The following DSCAM variants were observed in gnomAD, a reference collection of about 807,000 sequenced individuals.
The protein encoded by DSCAM is DS cell adhesion molecule.
In DSCAM, 47 loss-of-function variants were observed where a neutral mutation model predicts 217.7. The ratio of observed to expected loss-of-function variants is 0.22; its 90% CI spans 0.17 to 0.28. The LOEUF is 0.28. Among genes scored for constraint, DSCAM ranks in the 10% least tolerant of loss-of-function variants. The probability of loss-of-function intolerance (pLI) is 1.00; values close to 1 mark genes in which losing one functional copy is unlikely to be tolerated. For synonymous variants in DSCAM, 1,056 were observed against 1,015.3 expected (o/e 1.04, Z -0.76); for missense variants, 2,080 against 2,618.3 (o/e 0.79, Z 4.49).
chr21:40,336,437 G>A (rs1453550183), intron 8 of DSCAM, among the ~76,000 whole-genome samples: 1 of 152,174 alleles, frequency 6.6e-6, no homozygotes, highest in Non-Finnish European at 1.5e-5. Context: ...ACTTTCTGAT[G>A]AGATCATGGT....
intron 3 of DSCAM, among the ~76,000 whole-genome samples, chr21:40,478,875 A>C (rs1325472635): frequency 1.3e-5 from 2 of 152,224 alleles, no homozygotes; most frequent in Non-Finnish European, 2.9e-5. Flanking sequence ...AGACATAGTA[A>C]GATATTAACA....
At chr21:40,380,255 T>C (rs1261012308) in intron 3 of DSCAM, among the ~76,000 whole-genome samples, 1 of 152,246 alleles carries the variant, frequency 6.6e-6, no homozygotes, top group Non-Finnish European at 1.5e-5. Flanking sequence ...CACTAATCTT[T>C]GCTCTAGTTA....
At chr21:40,618,799 C>G (rs527681684) in intron 3 of DSCAM, 1 of 152,362 alleles carries the variant, frequency 6.6e-6, no homozygotes, top group African/African-American at 2.4e-5. Flanking sequence ...TCGCCGCCCC[C>G]CAGTCCTCAT....
At chr21:40,811,187 T>A (rs1356542692) in intron 1 of DSCAM, among the ~76,000 whole-genome samples, 1 of 152,196 alleles carries the variant, frequency 6.6e-6, no homozygotes, top group East Asian at 1.9e-4. Context: ...GTCATCACTT[T>A]CATGCTACAG....
intron 1 of DSCAM, among the ~76,000 whole-genome samples, chr21:40,774,668 T>G (rs1351925448): frequency 6.6e-6 from 1 of 152,128 alleles, no homozygotes; most frequent in African/African-American, 2.4e-5. Context: ...TCTGTACAAA[T>G]GGAACACATT....
intron 3 of DSCAM, among the ~76,000 whole-genome samples, chr21:40,601,843 C>T (rs1316356296): frequency 2.0e-5 from 3 of 152,112 alleles, no homozygotes; most frequent in African/African-American, 7.2e-5. Context: ...AAGCATCCTT[C>T]AATACCTGGA....
intron 3 of DSCAM, among the ~76,000 whole-genome samples, chr21:40,544,513 AG>A (rs1271685346): frequency 6.6e-6 from 1 of 152,166 alleles, no homozygotes; most frequent in Non-Finnish European, 1.5e-5. Flanking sequence ...GACATAGAGA[AG>A]AACCCCCTGC....
chr21:40,518,462 AAT>A (rs1470262930), intron 3 of DSCAM, among the ~76,000 whole-genome samples: 2 of 15,748 alleles, frequency 1.3e-4, no homozygotes, highest in Non-Finnish European at 1.8e-4. Flanking sequence ...TATTATATAT[AAT>A]ATATATAATA....
chr21:40,567,998 C>T (rs1360024105), intron 3 of DSCAM, among the ~76,000 whole-genome samples: 3 of 151,878 alleles, frequency 2.0e-5, no homozygotes, highest in Admixed American at 6.6e-5. Context: ...AGTGCAGTGG[C>T]GCGATCTCCG....
intron 4 of DSCAM, among the ~76,000 whole-genome samples, chr21:40,362,280 G>A (rs1444181032): frequency 1.3e-5 from 2 of 151,924 alleles, no homozygotes; most frequent in East Asian, 3.9e-4. Context: ...AAAACTTAAA[G>A]TATAATAATA....
At chr21:40,566,482 C>A (rs948941126) in intron 3 of DSCAM, among the ~76,000 whole-genome samples, 2 of 152,220 alleles carry the variant, frequency 1.3e-5, no homozygotes, top group Non-Finnish European at 2.9e-5. Flanking sequence ...GCGTTTATCA[C>A]AATTTAGCTT....
chr21:40,520,262 A>T (rs1015828881), intron 3 of DSCAM, among the ~76,000 whole-genome samples: 1 of 152,162 alleles, frequency 6.6e-6, no homozygotes, highest in African/African-American at 2.4e-5. Flanking sequence ...CACACAGGTC[A>T]GTAGTTATAC....
chr21:40,500,975 TAA>T (rs2076166264), intron 3 of DSCAM, among the ~76,000 whole-genome samples: 1 of 152,164 alleles, frequency 6.6e-6, no homozygotes, highest in African/African-American at 2.4e-5. Context: ...CTTCTCTTTT[TAA>T]AGAGAGCAAG....
At chr21:40,755,756 T>A (rs187835968) in intron 1 of DSCAM, among the ~76,000 whole-genome samples, 2 of 152,172 alleles carry the variant, frequency 1.3e-5, no homozygotes, top group Non-Finnish European at 2.9e-5. Context: ...GAGATGCTCA[T>A]ACATCTTGAA....
At chr21:40,791,179 A>G (rs934636823) in intron 1 of DSCAM, among the ~76,000 whole-genome samples, 3 of 151,882 alleles carry the variant, frequency 2.0e-5, no homozygotes, top group African/African-American at 7.3e-5. Flanking sequence ...AGAAAAGAAA[A>G]AGAAATATGC....
intron 1 of DSCAM, among the ~76,000 whole-genome samples, chr21:40,808,095 A>G (rs2091804161): frequency 6.6e-6 from 1 of 152,170 alleles, no homozygotes; most frequent in Admixed American, 6.5e-5. Context: ...CACTCATCCA[A>G]TGACTGGTCA....
intron 32 of DSCAM, among the ~76,000 whole-genome samples, chr21:40,029,422 GGTT>G (rs942578464): frequency 1.5e-5 from 2 of 129,748 alleles, no homozygotes; most frequent in East Asian, 2.0e-4. Flanking sequence ...ATGCATTTGA[GGTT>G]GTTTTTTTTT....
chr21:40,160,973 T>C (rs2090534737), intron 16 of DSCAM, among the ~76,000 whole-genome samples: 1 of 152,198 alleles, frequency 6.6e-6, no homozygotes, highest in Non-Finnish European at 1.5e-5. Context: ...GAGGTACAGC[T>C]TTTTCAGTGG....
At chr21:40,414,356 A>G (rs2075351070) in intron 3 of DSCAM, among the ~76,000 whole-genome samples, 1 of 152,238 alleles carries the variant, frequency 6.6e-6, no homozygotes, top group Non-Finnish European at 1.5e-5. Flanking sequence ...AAGGAGATAT[A>G]TGAACAGTCA....
Sources: allele counts gnomAD v4.1 joint callset (sites outside exome capture counted in the v4.1 genomes callset), GRCh38; gene constraint gnomAD v4.1.1; transcripts MANE v1.5; gene names NCBI Gene and HGNC (gene_info 2026-07-23, HGNC 2026-07-21).